DDX10: variants seen among roughly 807,000 people sequenced by gnomAD.
DDX10 encodes the protein DEAD-box helicase 10, also known as probable ATP-dependent RNA helicase DDX10.
In DDX10, 74 loss-of-function variants were observed where a neutral mutation model predicts 104.3. The ratio of observed to expected loss-of-function variants is 0.71; its 90% CI spans 0.59 to 0.86. DDX10 has a LOEUF of 0.86. Ranked by LOEUF, DDX10 falls within the 40% of genes least tolerant of loss-of-function variation. DDX10 has a pLI of 0.00. For missense variants in DDX10, 952 were observed against 1,040.0 expected, an observed-to-expected ratio of 0.92 and a Z score of 1.16; for synonymous variants, 351 against 353.4, an observed-to-expected ratio of 0.99 and a Z score of 0.08.
chr11:108,936,622 T>A (rs2134679579), intron 17 of DDX10, among the ~76,000 whole-genome samples: 1 of 152,330 alleles, frequency 6.6e-6, no homozygotes, highest in East Asian at 1.9e-4. Flanking sequence ...TTTATAATAT[T>A]GTCAGTGTCA....
chr11:108,736,368 G>T (rs557002609), intron 13 of DDX10, among the ~76,000 whole-genome samples: 1 of 152,176 alleles, frequency 6.6e-6, no homozygotes, highest in African/African-American at 2.4e-5. Context: ...TACACTGTTT[G>T]TCACTGAATA....
intron 10 of DDX10, among the ~76,000 whole-genome samples, chr11:108,713,407 C>G (rs949290189): frequency 6.6e-6 from 1 of 152,122 alleles, no homozygotes; most frequent in Non-Finnish European, 1.5e-5. Context: ...TTATCAAGTT[C>G]AGAGATTCTT....
Position 108,675,753 on chromosome 11 carries a change from T to C in DDX10, c.378+27T>C, listed in dbSNP as rs1415141855. On this transcript the variant is annotated intron_variant, in intron 3 of 17. Transcript: ENST00000322536. ...TAAGTACATTGTCATTGGGTCAGAC[T>C]GTCTGTTATACAATTTTATAACATT... is the stretch of plus-strand genomic sequence containing the variant. 4.3e-6 allele frequency: 7 copies of C among 1,610,298 alleles called. No homozygotes were observed. The South Asian group carries it at 7.7e-5, about 18-fold the overall frequency.
chr11:108,899,831 G>A (rs762141499), intron 16 of DDX10, among the ~76,000 whole-genome samples: 31 of 152,078 alleles, frequency 2.0e-4, no homozygotes, highest in Non-Finnish European at 4.1e-4. Flanking sequence ...GTGTAGTACC[G>A]TGTCAGGTGC....
intron 16 of DDX10, among the ~76,000 whole-genome samples, chr11:108,901,715 A>T (rs1383798971): frequency 1.3e-5 from 2 of 152,216 alleles, no homozygotes; most frequent in South Asian, 2.1e-4. Flanking sequence ...TCTTTTCAGA[A>T]TTATAAACAA....
chr11:108,884,989 A>G (rs1863276077), intron 16 of DDX10, among the ~76,000 whole-genome samples: 3 of 152,176 alleles, frequency 2.0e-5, no homozygotes, highest in Admixed American at 2.0e-4. Flanking sequence ...GTGAAATTTA[A>G]TGAAATTACC....
intron 13 of DDX10, among the ~76,000 whole-genome samples, chr11:108,806,868 G>A (rs541056103): frequency 6.6e-6 from 1 of 152,314 alleles, no homozygotes; most frequent in Non-Finnish European, 1.5e-5. Context: ...AGAGATTAGA[G>A]ACAGTGATGA....
chr11:108,812,554 T>C (rs545234419), intron 13 of DDX10, among the ~76,000 whole-genome samples: 39 of 152,364 alleles, frequency 2.6e-4, no homozygotes, highest in African/African-American at 9.4e-4. Flanking sequence ...ATTGCAATTT[T>C]GTACTTCTTA....
At chr11:108,709,316 G>A (rs2094280875) in intron 10 of DDX10, among the ~76,000 whole-genome samples, 1 of 152,240 alleles carries the variant, frequency 6.6e-6, no homozygotes, top group Admixed American at 6.5e-5. Flanking sequence ...GAATGAGTTA[G>A]GAAGTATTCC....
At chr11:108,934,097 C>G (rs997461596) in intron 17 of DDX10, among the ~76,000 whole-genome samples, 4 of 152,168 alleles carry the variant, frequency 2.6e-5, no homozygotes, top group African/African-American at 9.7e-5. Flanking sequence ...TAAGAGGGCA[C>G]TTGACTCAGA....
chr11:108,666,307 G>A (rs61913962), intron 1 of DDX10, among the ~76,000 whole-genome samples: 18,557 of 152,022 alleles, frequency 0.12, 1,537 homozygotes, highest in East Asian at 0.27. Context: ...GTGAAACCCC[G>A]CCTCTACTAA....
intron 13 of DDX10, among the ~76,000 whole-genome samples, chr11:108,728,501 G>GTTATTTTT (rs1565260503): frequency 1.5e-5 from 1 of 66,886 alleles, no homozygotes; most frequent in African/African-American, 8.0e-5. Context: ...ATACACATTT[G>GTTATTTTT]TTCTTTTTTT....
chr11:108,782,912 C>T (rs1274709276), intron 13 of DDX10, among the ~76,000 whole-genome samples: 1 of 152,168 alleles, frequency 6.6e-6, no homozygotes, highest in Non-Finnish European at 1.5e-5. Context: ...CCTTCCACTC[C>T]CCTCAGTGCT....
At chr11:108,705,718 T>C (rs925706210) in intron 9 of DDX10, among the ~76,000 whole-genome samples, 5 of 152,208 alleles carry the variant, frequency 3.3e-5, no homozygotes, top group African/African-American at 1.2e-4. Context: ...CTTTGAGATT[T>C]TTTCTTCTTT....
intron 13 of DDX10, among the ~76,000 whole-genome samples, chr11:108,764,175 C>A (rs770204272): frequency 6.6e-5 from 10 of 152,046 alleles, no homozygotes; most frequent in Non-Finnish European, 1.3e-4. Flanking sequence ...TTTTTAAAAG[C>A]TTGCTTGCAT....
intron 13 of DDX10, among the ~76,000 whole-genome samples, chr11:108,787,713 A>T (rs1361708690): frequency 6.6e-6 from 1 of 151,990 alleles, no homozygotes; most frequent in Non-Finnish European, 1.5e-5. Context: ...TGGGCGGATC[A>T]CCTGGAGGTC....
chr11:108,667,449 C>G lies in DDX10; in HGVS notation c.186+2110C>G, dbSNP rs572581600. Among the ~76,000 whole-genome samples, 5 of 152,290 alleles carry G rather than the reference C, an allele frequency of 3.3e-5. No individual in the cohort carries two copies. In the South Asian group the frequency reaches 8.3e-4, roughly 25 times the overall value. Reference sequence around the variant, plus strand: ...GTCAAATACAGCGTGTCAACATGTTCTAGTCTGCTGCAGAGTAAGTTATTT... The same window carrying G: ...GTCAAATACAGCGTGTCAACATGTTGTAGTCTGCTGCAGAGTAAGTTATTT... On this transcript the variant is annotated intron_variant, in intron 1 of 17. Coordinates refer to ENST00000322536, the MANE Select transcript of DDX10 (RefSeq NM_004398.4).
At chr11:108,708,876 G>A (rs1477682422) in intron 10 of DDX10, among the ~76,000 whole-genome samples, 1 of 152,148 alleles carries the variant, frequency 6.6e-6, no homozygotes, top group Non-Finnish European at 1.5e-5. Flanking sequence ...TGTGGGTTTT[G>A]TGGTGATGTT....
chr11:108,786,341 A>C (rs1419676231), intron 13 of DDX10, among the ~76,000 whole-genome samples: 1 of 152,094 alleles, frequency 6.6e-6, no homozygotes, highest in Admixed American at 6.6e-5. Context: ...TGTTAGGTGG[A>C]GTATTCTGTA....
Sources: allele counts gnomAD v4.1 joint callset (sites outside exome capture counted in the v4.1 genomes callset), GRCh38; gene constraint gnomAD v4.1.1; transcripts MANE v1.5; gene names NCBI Gene and HGNC (gene_info 2026-07-23, HGNC 2026-07-21).